Variants in THSD7A observed in about 807,000 individuals in gnomAD.
The protein encoded by THSD7A is thrombospondin type 1 domain containing 7A.
A neutral mutation model predicts 231.3 loss-of-function variants in THSD7A; 96 were observed. The observed-to-expected ratio is 0.41, with a 90% CI of 0.35 to 0.49. THSD7A has a LOEUF of 0.49. Ranked by LOEUF, THSD7A falls within the 20% of genes least tolerant of loss-of-function variation. The pLI is 0.05. For synonymous variants in THSD7A, 940 were observed against 743.3 expected, an observed-to-expected ratio of 1.26 and a Z score of -4.30; for missense variants, 2,290 against 2,070.2, an observed-to-expected ratio of 1.11 and a Z score of -2.06.
At chr7:11,512,542 A>G (rs1443177210) in intron 6 of THSD7A, among the ~76,000 whole-genome samples, 2 of 152,166 alleles carry the variant, frequency 1.3e-5, no homozygotes, top group African/African-American at 4.8e-5. Flanking sequence ...CCAAATGTTC[A>G]TCAATAATAG....
rs116273833 is a variant in THSD7A, at chr7:11,674,346, G to A, written c.191-37385C>T. Among the ~76,000 whole-genome samples the A allele has an allele frequency of 8.6e-3, 1,310 of 152,150 alleles. 14 individuals carry two copies. The highest frequency in any genetic ancestry group is 0.03 in the African/African-American group (1,244 of 41,514). ...GCTGCAGTGGAAGTGGCCACTTCTCGCAGTTCTCCAGACACTCCACCCTGG... is the reference window on the plus strand; with the variant it reads ...GCTGCAGTGGAAGTGGCCACTTCTCACAGTTCTCCAGACACTCCACCCTGG... On this transcript the variant is annotated intron_variant, in intron 1 of 27. Transcript: ENST00000423059.
At position 11,636,953 on chromosome 7, in the gene THSD7A, C is replaced by T. The variant is rs1290888353; in HGVS notation, c.199G>A (p.Gly67Ser). Residue 67 changes from glycine (G) to serine (S), a missense_variant, in exon 2 of 28, where the codon GGC (glycine) becomes AGC (serine). Physicochemically the swap from Gly to Ser is moderately conservative, Grantham distance 56. Transcript: ENST00000423059. This position sits in a 1 kb window ranked among gnomAD's most constrained non-coding sequence, Gnocchi z 10.0. ...CCACATTCATCTCCCATACATCGGC[C>T]CCATGGACCTACAAAAATTATAACA... is the stretch of plus-strand genomic sequence containing the variant. ...TLYLWKTGPW[G>S]RCMGDECGPG... 6 of 1,599,326 alleles carry T rather than the reference C, an allele frequency of 3.8e-6. No homozygotes were observed. Among genetic ancestry groups the T allele is most frequent in the East Asian group, 2.2e-5 (1 of 44,654 alleles).
Position 11,424,679 on chromosome 7 carries a change from A to G in THSD7A, c.3383+17T>C. On this transcript the variant is annotated intron_variant, in intron 16 of 27. Transcript: ENST00000423059. ...GTTTTGTGTCTTGCTTTTCTGTATA[A>G]TTAGGCTTTGTCTTACCTCACTTTT... is the stretch of plus-strand genomic sequence containing the variant. The G allele has an allele frequency of 6.2e-7, 1 of 1,613,764 alleles. No individual in the cohort carries two copies. The highest frequency in any genetic ancestry group is 1.1e-5 in the South Asian group (1 of 91,054).
intron 11 of THSD7A, among the ~76,000 whole-genome samples, chr7:11,456,227 C>A (rs747900761): frequency 7.9e-5 from 12 of 151,954 alleles, no homozygotes; most frequent in Non-Finnish European, 1.6e-4. Context: ...TATAATTTAT[C>A]ATGTTCTAGA....
chr7:11,579,128 G>C (rs533420488), intron 4 of THSD7A, among the ~76,000 whole-genome samples: 8 of 152,252 alleles, frequency 5.3e-5, no homozygotes, highest in Admixed American at 1.3e-4. Flanking sequence ...ACCTTTCCAA[G>C]ATGAATCTGT....
intron 1 of THSD7A, among the ~76,000 whole-genome samples, chr7:11,643,619 AC>A (rs1782170369): frequency 6.6e-6 from 1 of 151,656 alleles, no homozygotes; most frequent in African/African-American, 2.4e-5. Context: ...ACACACACAC[AC>A]ACAGATTGAA....
At position 11,814,986 on chromosome 7, in the gene THSD7A, T is replaced by C. The variant is rs1202099960; in HGVS notation, c.190+16771A>G. Among the ~76,000 whole-genome samples, 2 of 152,002 alleles carry C rather than the reference T, an allele frequency of 1.3e-5. No individual in the cohort carries two copies. The highest frequency in any genetic ancestry group is 1.9e-4 in the East Asian group (1 of 5,180). ...ATGGGAACAAATGAAGCACAGTGCA[T>C]AGAGAAATGTTGATGTTGGCTGGAA... On this transcript the variant is annotated intron_variant, in intron 1 of 27. Coordinates refer to ENST00000423059, the MANE Select transcript of THSD7A (RefSeq NM_015204.3). The surrounding 1 kb of genome is among the most constrained non-coding windows in gnomAD (Gnocchi z 5.1).
chr7:11,593,142 A>G (rs1260976329), intron 3 of THSD7A, 112 bp downstream of exon 3: 1 of 1,398,366 alleles, frequency 7.2e-7, no homozygotes, highest in Non-Finnish European at 9.5e-7. Context: ...CTGTTTGTAA[A>G]GATATTTTTT....
At chr7:11,581,762 A>G (rs944252331) in intron 4 of THSD7A, among the ~76,000 whole-genome samples, 1 of 152,012 alleles carries the variant, frequency 6.6e-6, no homozygotes, top group African/African-American at 2.4e-5. Context: ...CCAACCTCTT[A>G]CTCTCCTGAA....
intron 1 of THSD7A, among the ~76,000 whole-genome samples, chr7:11,787,075 T>C (rs976961309): frequency 4.6e-5 from 7 of 152,128 alleles, no homozygotes; most frequent in Non-Finnish European, 8.8e-5. Context: ...AAGGTAACAT[T>C]GAACTGACTT....
intron 2 of THSD7A, among the ~76,000 whole-genome samples, chr7:11,594,902 G>C (rs552530967): frequency 6.6e-6 from 1 of 152,328 alleles, no homozygotes; most frequent in Non-Finnish European, 1.5e-5. Flanking sequence ...GATTGGAAAA[G>C]AATGGGACCC....
chr7:11,501,362 T>C (rs185659687), intron 6 of THSD7A, among the ~76,000 whole-genome samples: 163 of 152,278 alleles, frequency 1.1e-3, no homozygotes, highest in African/African-American at 3.7e-3. Flanking sequence ...TACTCTAAAA[T>C]TGACCACATA....
At chr7:11,398,420 G>A (rs1783274970) in intron 23 of THSD7A, among the ~76,000 whole-genome samples, 1 of 152,068 alleles carries the variant, frequency 6.6e-6, no homozygotes, top group East Asian at 1.9e-4. Context: ...AGCATTAGGA[G>A]AAATACGTAA....
chr7:11,774,015 C>A (rs542458092), intron 1 of THSD7A, among the ~76,000 whole-genome samples: 34 of 152,212 alleles, frequency 2.2e-4, no homozygotes, highest in African/African-American at 8.2e-4. Context: ...TAGCATAGTT[C>A]TTCAACAGTA....
In THSD7A at chr7:11,402,678, C is replaced by A. The variant is rs10233249; in HGVS notation, c.4238-710G>T. Among the ~76,000 whole-genome samples the A allele has an allele frequency of 3.3e-5, 5 of 152,090 alleles. 1 individual carries two copies. The South Asian group carries it at 1.0e-3, about 32-fold the overall frequency. ...CACCCAAATCAAGGAACAGAACATT[C>A]CCAGGATCTCAAAACCCTCCCTTGT... is the stretch of plus-strand genomic sequence containing the variant. On this transcript the variant is annotated intron_variant, in intron 22 of 27. Transcript: ENST00000423059.
At chr7:11,768,514 A>G (rs1006813436) in intron 1 of THSD7A, among the ~76,000 whole-genome samples, 5 of 152,112 alleles carry the variant, frequency 3.3e-5, no homozygotes, top group Non-Finnish European at 7.4e-5. Flanking sequence ...CAGGTTTTTC[A>G]CCTTCCCCTT....
chr7:11,768,262 A>G (rs1485221326), intron 1 of THSD7A, among the ~76,000 whole-genome samples: 5 of 152,220 alleles, frequency 3.3e-5, no homozygotes, highest in African/African-American at 4.8e-5. Context: ...TTGTCCAACA[A>G]TATATCAGGA....
At chr7:11,824,002 C>G (rs563629267) in intron 1 of THSD7A, among the ~76,000 whole-genome samples, 1 of 151,788 alleles carries the variant, frequency 6.6e-6, no homozygotes. Context: ...AAAAATGGAA[C>G]AATGCACAAA....
intron 24 of THSD7A, 94 bp from the exon 25 acceptor site, chr7:11,379,806 C>A: frequency 7.5e-7 from 1 of 1,328,336 alleles, no homozygotes; most frequent in Non-Finnish European, 1.0e-6. Flanking sequence ...TCTTGAACCA[C>A]CTTGGGAATC....
Sources: allele counts gnomAD v4.1 joint callset (sites outside exome capture counted in the v4.1 genomes callset), GRCh38; gene constraint gnomAD v4.1.1; non-coding constraint Gnocchi (gnomAD v3.1); transcripts MANE v1.5; gene names NCBI Gene and HGNC (gene_info 2026-07-23, HGNC 2026-07-21).